DEUP1: variants seen among roughly 807,000 people sequenced by gnomAD.
DEUP1 encodes deuterosome assembly protein 1, also known as coiled-coil domain containing 67.
A neutral mutation model predicts 87.4 loss-of-function variants in DEUP1; 82 were observed. That is an observed-to-expected ratio of 0.94 (90% confidence interval 0.78 to 1.13). The LOEUF (loss-of-function observed/expected upper bound fraction) is 1.13, where lower values mean the gene tolerates loss of function less well. Ranked by LOEUF, DEUP1 falls within the 50% of genes most tolerant of loss-of-function variation. The probability of loss-of-function intolerance (pLI) is 0.00; values close to 1 mark genes in which losing one functional copy is unlikely to be tolerated. For synonymous variants in DEUP1, 214 were observed against 222.7 expected (o/e 0.96, Z 0.35); for missense variants, 663 against 681.5 (o/e 0.97, Z 0.30).
chr11:93,396,368 C>A (rs375786348), intron 11 of DEUP1, 43 bp downstream of exon 11: 10 of 1,225,120 alleles, frequency 8.2e-6, no homozygotes, highest in Non-Finnish European at 1.1e-5. Context: ...AAAGAGATTA[C>A]TGAATTGGTC....
At chr11:93,435,816 G>A (rs1315263445) in intron 13 of DEUP1, among the ~76,000 whole-genome samples, 1 of 152,124 alleles carries the variant, frequency 6.6e-6, no homozygotes, top group Non-Finnish European at 1.5e-5. Flanking sequence ...CTAACATGGT[G>A]AAACCCCGTC....
intron 13 of DEUP1, among the ~76,000 whole-genome samples, chr11:93,428,340 C>G (rs1039190314): frequency 6.6e-6 from 1 of 151,256 alleles, no homozygotes; most frequent in Non-Finnish European, 1.5e-5. Context: ...CAAACTATCT[C>G]AAGAACAAAA....
At chr11:93,382,023 T>A (rs1444547600) in intron 7 of DEUP1, among the ~76,000 whole-genome samples, 1 of 152,164 alleles carries the variant, frequency 6.6e-6, no homozygotes, top group African/African-American at 2.4e-5. Flanking sequence ...TTAGATCCCA[T>A]ACAATTTTAC....
intron 13 of DEUP1, among the ~76,000 whole-genome samples, chr11:93,420,336 C>A (rs1183593114): frequency 3.9e-5 from 6 of 152,090 alleles, no homozygotes; most frequent in Admixed American, 3.3e-4. Context: ...TCAATAGATG[C>A]AGAAAAGGCC....
intron 2 of DEUP1, among the ~76,000 whole-genome samples, chr11:93,354,885 C>T (rs1002205795): frequency 3.9e-5 from 6 of 152,146 alleles, no homozygotes; most frequent in African/African-American, 1.4e-4. Flanking sequence ...TCCTTAGAAA[C>T]AGACACCAGC....
At chr11:93,431,177 A>ATAGGGAG (rs1411465424) in intron 13 of DEUP1, among the ~76,000 whole-genome samples, 1 of 151,902 alleles carries the variant, frequency 6.6e-6, no homozygotes, top group Non-Finnish European at 1.5e-5. Context: ...AGGTAATGTG[A>ATAGGGAG]TAGGGAGTGA....
chr11:93,371,149 A>C lies in DEUP1; in HGVS notation c.658A>C (p.Asn220His). The C allele has an allele frequency of 1.2e-6, 2 of 1,613,332 alleles. No individual in the cohort carries two copies. The highest frequency in any genetic ancestry group is 1.7e-6 in the Non-Finnish European group (2 of 1,179,574). ...TGACCCAGATCCCAATTGTGAAATC[A>C]ATGAAAGAGATGAGTTCATTATTGA... Reference protein sequence around the residue: ...ICDPDPNCEINERDEFIIEKL... With the variant: ...ICDPDPNCEIHERDEFIIEKL... Residue 220 changes from asparagine to histidine, a missense_variant, in exon 7 of 14, where the codon AAT (asparagine) becomes CAT (histidine). Asn to His is a moderately conservative substitution (Grantham distance 68). Transcript: ENST00000298050.
At chr11:93,385,962 A>G (rs958077653) in intron 8 of DEUP1, among the ~76,000 whole-genome samples, 8 of 151,784 alleles carry the variant, frequency 5.3e-5, no homozygotes, top group Admixed American at 5.3e-4. Context: ...CTGAGCTGGG[A>G]GGGTCGCTTG....
intron 13 of DEUP1, among the ~76,000 whole-genome samples, chr11:93,418,962 C>G (rs1222059111): frequency 6.7e-6 from 1 of 148,650 alleles, no homozygotes; most frequent in Admixed American, 6.9e-5. Context: ...TATTCTCACT[C>G]ATAGGTGGGA....
Position 93,413,453 on chromosome 11 carries a change from G to T in DEUP1, c.1524-1547G>T, listed in dbSNP as rs995143868. On this transcript the variant is annotated intron_variant, in intron 12 of 13. Coordinates refer to ENST00000298050, the MANE Select transcript of DEUP1 (RefSeq NM_181645.4). ...GCGACGGGGTTTCACCATGTTAGCC[G>T]AGATGGTCTCGATCTCCTGACCTCG... 3.3e-5 allele frequency among the ~76,000 whole-genome samples: 5 copies of T among 151,986 alleles called. No individual in the cohort carries two copies. In the South Asian group the frequency reaches 1.0e-3, roughly 32 times the overall value.
rs767222706 is a variant in DEUP1, at chr11:93,396,259, A to T, written c.1260A>T (p.Lys420Asn). ...AKQKVSDMKY[K>N]AVRTENTHLK... is the part of the protein sequence containing the mutation. Reference sequence around the variant, plus strand: ...TTCAGGTCTCAGATATGAAATATAAAGCTGTCAGAACTGAAAACACACATC... The same window carrying T: ...TTCAGGTCTCAGATATGAAATATAATGCTGTCAGAACTGAAAACACACATC... The change falls in exon 11 of 14, where the codon AAA becomes AAT. Residue 420 changes from lysine to asparagine, a missense_variant. Physicochemically the swap from Lys to Asn is moderately conservative, Grantham distance 94 (BLOSUM62 0). Transcript: ENST00000298050. 1 of 1,580,294 alleles carries T rather than the reference A, an allele frequency of 6.3e-7. No individual in the cohort carries two copies. The highest frequency in any genetic ancestry group is 1.2e-5 in the South Asian group (1 of 84,976).
intron 4 of DEUP1, among the ~76,000 whole-genome samples, chr11:93,360,025 G>A (rs557314166): frequency 1.3e-4 from 20 of 152,202 alleles, no homozygotes; most frequent in South Asian, 1.0e-3. Flanking sequence ...GTCTACTCTC[G>A]GGTGGTATCA....
chr11:93,437,492 T>C, intron 13 of DEUP1, 51 bp from the exon 14 acceptor site: 1 of 1,439,076 alleles, frequency 6.9e-7, no homozygotes, highest in Non-Finnish European at 9.5e-7. Context: ...AATGGGAAGA[T>C]TTTTTAAAGC....
intron 13 of DEUP1, among the ~76,000 whole-genome samples, chr11:93,416,981 A>G (rs969517269): frequency 3.3e-5 from 5 of 152,138 alleles, no homozygotes; most frequent in African/African-American, 1.2e-4. Context: ...ATTCAACAAC[A>G]CTTCATGCTA....
intron 12 of DEUP1, among the ~76,000 whole-genome samples, chr11:93,414,287 G>A (rs1293279601): frequency 6.6e-6 from 1 of 152,180 alleles, no homozygotes; most frequent in Non-Finnish European, 1.5e-5. Context: ...GCCAACGCAG[G>A]CGAATCACAA....
intron 13 of DEUP1, among the ~76,000 whole-genome samples, chr11:93,416,018 T>A (rs941639815): frequency 6.6e-6 from 1 of 152,144 alleles, no homozygotes; most frequent in Non-Finnish European, 1.5e-5. Flanking sequence ...ATACCTAAAA[T>A]GGAATACCGA....
intron 2 of DEUP1, among the ~76,000 whole-genome samples, chr11:93,353,548 G>A (rs1321809410): frequency 6.6e-6 from 1 of 152,214 alleles, no homozygotes; most frequent in Non-Finnish European, 1.5e-5. Flanking sequence ...CTTCTGCCCT[G>A]CCCTAGCAGA....
chr11:93,416,265 C>A (rs1947622403), intron 13 of DEUP1, among the ~76,000 whole-genome samples: 1 of 151,672 alleles, frequency 6.6e-6, no homozygotes, highest in African/African-American at 2.4e-5. Flanking sequence ...AAAGGATCAA[C>A]AAAATTGATA....
intron 2 of DEUP1, among the ~76,000 whole-genome samples, chr11:93,342,065 C>G (rs538345856): frequency 6.6e-6 from 1 of 152,290 alleles, no homozygotes. Flanking sequence ...TCTTAACTTA[C>G]GTGAACCTCT....
Sources: allele counts gnomAD v4.1 joint callset (sites outside exome capture counted in the v4.1 genomes callset), GRCh38; gene constraint gnomAD v4.1.1; transcripts MANE v1.5; gene names NCBI Gene and HGNC (gene_info 2026-07-23, HGNC 2026-07-21).